The following RBFOX1 variants were observed in gnomAD, a reference collection of about 807,000 sequenced individuals.
RBFOX1 encodes the protein RNA binding protein fox-1 homolog 1.
Under a neutral mutation model 57.7 loss-of-function variants are expected in RBFOX1, and 8 were observed. That is an observed-to-expected ratio of 0.14 (90% confidence interval 0.08 to 0.25). RBFOX1 has a LOEUF of 0.25. RBFOX1 is among the 10% of genes least tolerant of loss of function. RBFOX1 has a pLI of 1.00. For synonymous variants in RBFOX1, 326 were observed against 222.4 expected (o/e 1.47, Z -4.15); for missense variants, 611 against 548.5 (o/e 1.11, Z -1.14).
intron 1 of RBFOX1, among the ~76,000 whole-genome samples, chr16:5,368,889 G>A (rs2151363993): frequency 6.6e-6 from 1 of 152,290 alleles, no homozygotes; most frequent in East Asian, 1.9e-4. Flanking sequence ...CACTTTTTAT[G>A]TGATATGAGT....
intron 3 of RBFOX1, among the ~76,000 whole-genome samples, chr16:5,615,336 G>A (rs1027035716): frequency 6.6e-6 from 1 of 152,150 alleles, no homozygotes; most frequent in Non-Finnish European, 1.5e-5. Flanking sequence ...CAGCAGCTGA[G>A]TTTTTTTGAC....
intron 2 of RBFOX1, among the ~76,000 whole-genome samples, chr16:6,453,152 G>A (rs1337738419): frequency 2.0e-5 from 3 of 151,832 alleles, no homozygotes; most frequent in Non-Finnish European, 4.4e-5. Context: ...TGGGATACAT[G>A]TACAGAACGT....
chr16:7,130,261 C>T (rs1487449202), intron 4 of RBFOX1, among the ~76,000 whole-genome samples: 1 of 152,050 alleles, frequency 6.6e-6, no homozygotes, highest in Non-Finnish European at 1.5e-5. Context: ...TCTTGAACTC[C>T]TGACCTCAGG....
At chr16:7,062,170 T>A (rs2054515965) in intron 4 of RBFOX1, among the ~76,000 whole-genome samples, 1 of 151,308 alleles carries the variant, frequency 6.6e-6, no homozygotes, top group Non-Finnish European at 1.5e-5. Context: ...ACACAAAAAA[T>A]TAGCTGGGCA....
chr16:7,495,771 C>T (rs1009029375), intron 4 of RBFOX1, among the ~76,000 whole-genome samples: 8 of 152,150 alleles, frequency 5.3e-5, no homozygotes, highest in East Asian at 1.9e-4. Context: ...GCTTGGGTAA[C>T]GGGTGCACCA....
intron 4 of RBFOX1, among the ~76,000 whole-genome samples, chr16:7,073,724 A>C (rs1197442874): frequency 6.6e-6 from 1 of 152,046 alleles, no homozygotes; most frequent in Non-Finnish European, 1.5e-5. Flanking sequence ...TTACACAGGA[A>C]CGGTGGCACA....
At chr16:5,918,351 C>G (rs374519292) in intron 4 of RBFOX1, among the ~76,000 whole-genome samples, 8 of 152,168 alleles carry the variant, frequency 5.3e-5, no homozygotes, top group Admixed American at 3.3e-4. Flanking sequence ...AACTTCTGAC[C>G]TCAGGTGATC....
rs149813459 is a variant in RBFOX1 at position 5,728,240 on chromosome 16, C to T, written c.318+129279C>T. On this transcript the variant is annotated intron_variant, in intron 3 of 19. Coordinates refer to the RBFOX1 transcript ENST00000641259. ...TGACAGAGAACGAATACAGAAAATG[C>T]GGTGTAGATACACACATAGTGGAAT... is the stretch of plus-strand genomic sequence containing the variant. 3.8e-3 allele frequency among the ~76,000 whole-genome samples: 576 copies of T among 152,228 alleles called. 4 individuals carry two copies. The highest frequency in any genetic ancestry group is 0.013 in the African/African-American group (546 of 41,540).
intron 3 of RBFOX1, among the ~76,000 whole-genome samples, chr16:6,926,121 C>A (rs577744233): frequency 1.3e-5 from 2 of 151,944 alleles, no homozygotes; most frequent in Non-Finnish European, 1.5e-5. Flanking sequence ...GCCTGGCCAA[C>A]ATGATGAAAC....
At chr16:6,735,425 A>G (rs1328541432) in intron 3 of RBFOX1, among the ~76,000 whole-genome samples, 1 of 152,202 alleles carries the variant, frequency 6.6e-6, no homozygotes, top group African/African-American at 2.4e-5. Flanking sequence ...GTAAATGGAT[A>G]GATATTTTTC....
At chr16:7,695,217 C>A (rs945783571) in intron 14 of RBFOX1, among the ~76,000 whole-genome samples, 8 of 152,124 alleles carry the variant, frequency 5.3e-5, no homozygotes, top group Non-Finnish European at 1.0e-4. Context: ...TCCGTTTGAA[C>A]TCTGAATTTT....
intron 3 of RBFOX1, among the ~76,000 whole-genome samples, chr16:5,650,283 G>A (rs974777554): frequency 6.6e-6 from 1 of 152,102 alleles, no homozygotes; most frequent in Admixed American, 6.5e-5. Flanking sequence ...CCCCTTTCTG[G>A]GCTCTCAGCC....
chr16:6,823,993 G>T (rs1036476211), intron 3 of RBFOX1, among the ~76,000 whole-genome samples: 1 of 152,170 alleles, frequency 6.6e-6, no homozygotes, highest in Non-Finnish European at 1.5e-5. Flanking sequence ...GTATGAGCTG[G>T]CCCCATGAAT....
intron 4 of RBFOX1, among the ~76,000 whole-genome samples, chr16:7,349,528 A>AC (rs201526980): frequency 3.5e-5 from 4 of 113,670 alleles, no homozygotes; most frequent in African/African-American, 5.1e-5. Flanking sequence ...AATTTAAAAG[A>AC]CTTTTTTTTT....
At chr16:6,490,068 G>C (rs1019192) in intron 2 of RBFOX1, among the ~76,000 whole-genome samples, 1 of 152,044 alleles carries the variant, frequency 6.6e-6, no homozygotes. Flanking sequence ...TTGACTCCCA[G>C]CTTGATCTCA....
chr16:5,839,474 C>T (rs1199780662), intron 3 of RBFOX1, among the ~76,000 whole-genome samples: 1 of 152,180 alleles, frequency 6.6e-6, no homozygotes, highest in Non-Finnish European at 1.5e-5. Flanking sequence ...TGCAGATTTC[C>T]CATAAGCCCT....
rs141772549 is a variant in RBFOX1 at position 6,950,096 on chromosome 16, G to A, written c.-15-101961G>A. 8.9e-3 allele frequency among the ~76,000 whole-genome samples: 1,317 copies of A among 148,454 alleles called. 19 individuals carry two copies. The highest frequency in any genetic ancestry group is 0.023 in the African/African-American group (936 of 39,938). Reference sequence around the variant, plus strand: ...CGAGTAGCTAGGATTATAGGCATGCGCCACTACGCAGAGGTAATTTTTTTT... The same window carrying A: ...CGAGTAGCTAGGATTATAGGCATGCACCACTACGCAGAGGTAATTTTTTTT... On this transcript the variant is annotated intron_variant, in intron 3 of 15. Transcript: ENST00000550418.
chr16:5,742,853 A>G (rs11864860), intron 3 of RBFOX1, among the ~76,000 whole-genome samples: 40,554 of 152,150 alleles, frequency 0.27, 5,914 homozygotes, highest in East Asian at 0.56. Context: ...AGCTAGCTTG[A>G]AGAACTTCAT....
At chr16:6,714,271 A>G (rs1166449596) in intron 3 of RBFOX1, among the ~76,000 whole-genome samples, 1 of 152,144 alleles carries the variant, frequency 6.6e-6, no homozygotes, top group Non-Finnish European at 1.5e-5. Context: ...TCCCATATAA[A>G]TGACCCAGTC....
Sources: gnomAD v4.1 joint callset for allele counts (sites outside exome capture counted in the v4.1 genomes callset) on GRCh38, gnomAD v4.1.1 for gene constraint, MANE v1.5 for transcripts, NCBI Gene and HGNC (gene_info 2026-07-23, HGNC 2026-07-21) for gene names.